SLC45A1: variants seen among roughly 807,000 people sequenced by gnomAD.
The protein encoded by SLC45A1 is proton-associated sugar transporter A.
A neutral mutation model predicts 57.6 loss-of-function variants in SLC45A1; 28 were observed. The ratio of observed to expected loss-of-function variants is 0.49; its 90% CI spans 0.36 to 0.67. The LOEUF (loss-of-function observed/expected upper bound fraction) is 0.67, where lower values mean the gene tolerates loss of function less well. SLC45A1 is among the 30% of genes least tolerant of loss of function. SLC45A1 has a pLI of 0.00. For missense variants in SLC45A1, 814 were observed against 1,041.5 expected (o/e 0.78, Z 3.01); for synonymous variants, 459 against 471.5 (o/e 0.97, Z 0.34).
Position 8,324,424 on chromosome 1 carries a change from C to G in SLC45A1, c.95C>G (p.Ser32Trp). 6.2e-7 allele frequency: 1 copy of G among 1,612,616 alleles called. No homozygotes were observed. Among genetic ancestry groups the G allele is most frequent in the Non-Finnish European group, 8.5e-7 (1 of 1,179,872 alleles). The change falls in exon 2 of 9, where the codon TCG (serine) becomes TGG (tryptophan). Residue 32 changes from serine to tryptophan, a missense_variant. Physicochemically the swap from Ser to Trp is radical, Grantham distance 177 (BLOSUM62 -3). Coordinates refer to ENST00000471889, the MANE Select transcript of SLC45A1 (RefSeq NM_001080397.3). ...DFWRSQVTGYSGSVTRHLSHR... is the reference protein window; with the variant it reads ...DFWRSQVTGYWGSVTRHLSHR... ...TGGAGGTCCCAGGTCACGGGCTACT[C>G]GGGGTCCGTGACACGACACCTCAGT...
At chr1:8,338,474 G>A (rs1640695788) in intron 7 of SLC45A1, among the ~76,000 whole-genome samples, 1 of 152,248 alleles carries the variant, frequency 6.6e-6, no homozygotes, top group Non-Finnish European at 1.5e-5. Flanking sequence ...TTGGAGCACA[G>A]TGCTGAGTTC....
chr1:8,320,490 A>C (rs1403693173), intron 1 of SLC45A1, among the ~76,000 whole-genome samples: 1 of 152,124 alleles, frequency 6.6e-6, no homozygotes, highest in African/African-American at 2.4e-5. Context: ...AAAAAAATAC[A>C]AGAATTAGCC....
intron 8 of SLC45A1, among the ~76,000 whole-genome samples, 166 bp downstream of exon 8, chr1:8,339,864 C>A (rs1159237887): frequency 6.6e-6 from 1 of 152,200 alleles, no homozygotes. Flanking sequence ...CTGGGGCGTG[C>A]CCCCTGCCTG....
chr1:8,332,594 C>A (rs1640450033), intron 5 of SLC45A1, among the ~76,000 whole-genome samples: 2 of 151,642 alleles, frequency 1.3e-5, no homozygotes, highest in African/African-American at 4.9e-5. Flanking sequence ...TCACTGCAAC[C>A]TCTGCCTCCC....
At chr1:8,338,104 T>A in intron 7 of SLC45A1, 112 bp downstream of exon 7, 1 of 982,502 alleles carries the variant, frequency 1.0e-6, no homozygotes, top group East Asian at 2.6e-5. Context: ...CACATCCCAA[T>A]TTGGGGGACG....
intron 1 of SLC45A1, among the ~76,000 whole-genome samples, chr1:8,321,148 A>C (rs1639999839): frequency 6.6e-6 from 1 of 152,208 alleles, no homozygotes; most frequent in Non-Finnish European, 1.5e-5. Flanking sequence ...TTTACCATGC[A>C]GAAGTGCTTG....
At chr1:8,318,935 C>T (rs1383421153) in intron 1 of SLC45A1, among the ~76,000 whole-genome samples, 2 of 152,220 alleles carry the variant, frequency 1.3e-5, no homozygotes, top group African/African-American at 4.8e-5. Context: ...GTCCGTAGAG[C>T]ACCTTCCTGG....
chr1:8,329,754 G>A (rs954745855), intron 4 of SLC45A1, among the ~76,000 whole-genome samples: 3 of 152,222 alleles, frequency 2.0e-5, no homozygotes, highest in Non-Finnish European at 4.4e-5. Flanking sequence ...CACAGGGGGC[G>A]GCTCTCCTCA....
chr1:8,324,876 C>G, intron 2 of SLC45A1, 150 bp downstream of exon 2: 1 of 763,242 alleles, frequency 1.3e-6, no homozygotes, highest in South Asian at 2.0e-5. Context: ...CAGGTACCAC[C>G]GGTCATATCC....
intron 2 of SLC45A1, among the ~76,000 whole-genome samples, chr1:8,324,957 G>A (rs77436004): frequency 0.02 from 3,061 of 152,264 alleles, 122 homozygotes; most frequent in African/African-American, 0.068. Flanking sequence ...GGCTGACACC[G>A]TCTGATGCCA....
Position 8,330,923 on chromosome 1 carries a change from C to A in SLC45A1, c.1430C>A (p.Thr477Asn). Residue 477 changes from threonine to asparagine, a missense_variant, in exon 5 of 9, where the codon ACC becomes AAC. Thr to Asn is a moderately conservative substitution (Grantham distance 65). Transcript: ENST00000471889. This position sits in a 1 kb window ranked among gnomAD's most constrained non-coding sequence, Gnocchi z 8.4. ...GPETSRRRNV[T>N]FSQQVANILL... ...GAAACCAGCAGGAGAAGGAATGTGA[C>A]CTTCAGTCAGCAGGTAACAGCAAAT... 6.3e-7 allele frequency: 1 copy of A among 1,590,734 alleles called. No homozygotes were observed. Among genetic ancestry groups the A allele is most frequent in the Non-Finnish European group, 8.6e-7 (1 of 1,164,466 alleles).
At position 8,325,753 on chromosome 1, in the gene SLC45A1, C is replaced by T. The variant is rs1042818818; in HGVS notation, c.491-65C>T. ...AGTCCTAAAGATTCTAGACATAAGT[C>T]GTGAGCTGCCGGGGACAGAGCTGGT... is the stretch of plus-strand genomic sequence containing the variant. On this transcript the variant is annotated intron_variant, in intron 3 of 8. Transcript: ENST00000471889. The surrounding 1 kb of genome is among the most constrained non-coding windows in gnomAD (Gnocchi z 6.3). The T allele has an allele frequency of 4.3e-5, 62 of 1,429,640 alleles. No homozygotes were observed. In the East Asian group the frequency reaches 8.6e-4, roughly 20 times the overall value. 88.6% of individuals were successfully genotyped at this position (1,429,640 alleles called of 1,614,324 possible).
rs770197744 is a variant in SLC45A1, at chr1:8,337,932, G to A, written c.1714G>A (p.Gly572Ser). ...TSEAYQKYNS[G>S]VTMGCWGMCI... ...AGAGGCGTATCAGAAGTACAACAGCGGCGTGACCATGGGCTGCTGGGGCAT... is the reference window on the plus strand; with the variant it reads ...AGAGGCGTATCAGAAGTACAACAGCAGCGTGACCATGGGCTGCTGGGGCAT... Residue 572 changes from glycine to serine, a missense_variant, in exon 7 of 9, where the codon GGC becomes AGC. By Grantham distance (56) the Gly-to-Ser change is moderately conservative. Transcript: ENST00000471889. 1.2e-5 allele frequency: 19 copies of A among 1,614,040 alleles called. No individual in the cohort carries two copies. The highest frequency in any genetic ancestry group is 5.0e-5 in the Admixed American group (3 of 59,996).
Position 8,336,027 on chromosome 1 carries a change from C to T in SLC45A1, c.1597+437C>T, listed in dbSNP as rs541669297. On this transcript the variant is annotated intron_variant, in intron 6 of 8. Coordinates refer to ENST00000471889, the MANE Select transcript of SLC45A1 (RefSeq NM_001080397.3). The stretch of plus-strand genomic sequence containing the variant: ...TTGCTGTTTGTAAATTCACACGGCT[C>T]GGCCTTTGTATGAGCATTGAAAAGC... 7.1e-5 allele frequency: 12 copies of T among 168,232 alleles called. No homozygotes were observed. The South Asian group carries it at 1.4e-3, about 20-fold the overall frequency. The allele number at this position is 168,232 out of a possible 1,614,324, so 10.4% of individuals were successfully genotyped here.
At position 8,344,112 on chromosome 1, in the gene SLC45A1, CT is replaced by C; in HGVS notation, c.*100del. ...GGGCCTTGTTGGACAGGGGGACTGG[CT>C]GCCTACTGGAATGTAAATATGTGAT... is the stretch of plus-strand genomic sequence containing the variant. On this transcript the variant is annotated 3_prime_UTR_variant, in exon 9 of 9. Transcript: ENST00000471889. 1 of 1,088,800 alleles carries C rather than the reference CT, an allele frequency of 9.2e-7. No homozygotes were observed. Among genetic ancestry groups the C allele is most frequent in the Non-Finnish European group, 1.3e-6 (1 of 768,388 alleles). 67.4% of individuals were successfully genotyped at this position (1,088,800 alleles called of 1,614,324 possible). A position where few individuals can be genotyped will look rare whatever the true frequency, so the allele number is the denominator to read the frequency against.
Position 8,325,738 on chromosome 1 carries a change from A to C in SLC45A1, c.491-80A>C. 1 of 1,331,584 alleles carries C rather than the reference A, an allele frequency of 7.5e-7. No homozygotes were observed. Among genetic ancestry groups the C allele is most frequent in the South Asian group, 1.3e-5 (1 of 79,968 alleles). 82.5% of individuals were successfully genotyped at this position (1,331,584 alleles called of 1,614,324 possible). A position where few individuals can be genotyped will look rare whatever the true frequency, so the allele number is the denominator to read the frequency against. On this transcript the variant is annotated intron_variant, in intron 3 of 8. Transcript: ENST00000471889. The surrounding 1 kb of genome is among the most constrained non-coding windows in gnomAD (Gnocchi z 6.3). Reference sequence around the variant, plus strand: ...TTTTAAAAATTCTTGAGTCCTAAAGATTCTAGACATAAGTCGTGAGCTGCC... The same window carrying C: ...TTTTAAAAATTCTTGAGTCCTAAAGCTTCTAGACATAAGTCGTGAGCTGCC...
rs1414152427 is a variant in SLC45A1 at position 8,335,207 on chromosome 1, C to T, written c.1444-230C>T. 6.6e-6 allele frequency among the ~76,000 whole-genome samples: 1 copy of T among 152,234 alleles called. No homozygotes were observed. The highest frequency in any genetic ancestry group is 1.5e-5 in the Non-Finnish European group (1 of 68,044). On this transcript the variant is annotated intron_variant, in intron 5 of 8. Coordinates refer to ENST00000471889, the MANE Select transcript of SLC45A1 (RefSeq NM_001080397.3). This position sits in a 1 kb window ranked among gnomAD's most constrained non-coding sequence, Gnocchi z 4.1. Reference sequence around the variant, plus strand: ...GTGTCCTGTGGCCACACTGTGGGCACACCTGAAATGGAATTCTAGCCTTAG... The same window carrying T: ...GTGTCCTGTGGCCACACTGTGGGCATACCTGAAATGGAATTCTAGCCTTAG...
In SLC45A1 at chr1:8,330,444, G is replaced by A. The variant is rs1324720806; in HGVS notation, c.951G>A (p.Leu317=). 5 of 1,611,600 alleles carry A rather than the reference G, an allele frequency of 3.1e-6. No homozygotes were observed. The highest frequency in any genetic ancestry group is 3.3e-5 in the Admixed American group (2 of 59,928). Residue 317 remains leucine, a synonymous_variant, in exon 5 of 9, where the codon CTG becomes CTA. Coordinates refer to ENST00000471889, the MANE Select transcript of SLC45A1 (RefSeq NM_001080397.3). This position sits in a 1 kb window ranked among gnomAD's most constrained non-coding sequence, Gnocchi z 8.4. ...CGCTGCCCCCGTCCCCACCCGTCCT[G>A]CCAGAGGAAGGCCCTGGCGACAGCC... ...SLPLPPSPPV[L]PEEGPGDSLP... is the part of the protein sequence containing the mutation.
intron 6 of SLC45A1, among the ~76,000 whole-genome samples, chr1:8,337,409 A>G (rs1640649071): frequency 6.6e-6 from 1 of 152,090 alleles, no homozygotes; most frequent in Non-Finnish European, 1.5e-5. Flanking sequence ...AACGAACACA[A>G]TTTTAAATTG....
Sources: gnomAD v4.1 joint callset for allele counts (sites outside exome capture counted in the v4.1 genomes callset) on GRCh38, gnomAD v4.1.1 for gene constraint, Gnocchi (gnomAD v3.1) non-coding constraint, MANE v1.5 for transcripts, NCBI Gene and HGNC (gene_info 2026-07-23, HGNC 2026-07-21) for gene names.